Variants in CUL3 observed in about 807,000 individuals in gnomAD.
CUL3 encodes the protein cullin-3.
In CUL3, 19 loss-of-function variants were observed where a neutral mutation model predicts 89.1. That is an observed-to-expected ratio of 0.21 (90% CI 0.15 to 0.31). The LOEUF is 0.31. Ranked by LOEUF, CUL3 falls within the 10% of genes least tolerant of loss-of-function variation. The pLI is 1.00. For synonymous variants in CUL3, 351 were observed against 308.4 expected (o/e 1.14, Z -1.45); for missense variants, 469 against 942.3 (o/e 0.50, Z 6.58).
At chr2:224,518,759 T>C (rs1489781814) in intron 3 of CUL3, among the ~76,000 whole-genome samples, 1 of 152,120 alleles carries the variant, frequency 6.6e-6, no homozygotes, top group Non-Finnish European at 1.5e-5. Context: ...CACCAAAAAA[T>C]AATATACATG....
At chr2:224,524,309 T>C (rs1052668301) in intron 3 of CUL3, among the ~76,000 whole-genome samples, 2 of 151,874 alleles carry the variant, frequency 1.3e-5, no homozygotes, top group African/African-American at 4.8e-5. Flanking sequence ...AGCTAGGACT[T>C]AAGATGTCAA....
At chr2:224,565,721 G>C (rs1012955249) in intron 1 of CUL3, among the ~76,000 whole-genome samples, 2 of 152,130 alleles carry the variant, frequency 1.3e-5, no homozygotes, top group African/African-American at 4.8e-5. Flanking sequence ...TCTCCATCAA[G>C]TCATCTTCCG....
At chr2:224,548,560 T>C (rs1400337346) in intron 2 of CUL3, among the ~76,000 whole-genome samples, 1 of 152,172 alleles carries the variant, frequency 6.6e-6, no homozygotes, top group Non-Finnish European at 1.5e-5. Context: ...ATTTATGAGG[T>C]TACCATGTTA....
At chr2:224,571,738 T>C (rs998306412) in intron 1 of CUL3, among the ~76,000 whole-genome samples, 1 of 152,170 alleles carries the variant, frequency 6.6e-6, no homozygotes, top group Admixed American at 6.5e-5. Context: ...ATACCATTCA[T>C]AAAGAAAAAT....
At chr2:224,517,799 A>AC (rs1553524990) in intron 3 of CUL3, among the ~76,000 whole-genome samples, 1 of 151,694 alleles carries the variant, frequency 6.6e-6, no homozygotes, top group Non-Finnish European at 1.5e-5. Context: ...ATCCTTCTAG[A>AC]TTTTTTTTTA....
At chr2:224,516,641 CTGTTTTT>C (rs1358956992) in intron 3 of CUL3, among the ~76,000 whole-genome samples, 137 of 149,926 alleles carry the variant, frequency 9.1e-4, no homozygotes, top group African/African-American at 2.9e-3. Context: ...ATGGCTAACA[CTGTTTTT>C]TGTTTTTTGT....
chr2:224,500,245 A>G, intron 11 of CUL3, 118 bp downstream of exon 11: 1 of 1,214,240 alleles, frequency 8.2e-7, no homozygotes. Flanking sequence ...GCTCCTTTTG[A>G]TCACGAGGTA....
chr2:224,581,919 A>G (rs1695449631), intron 1 of CUL3, among the ~76,000 whole-genome samples: 1 of 152,100 alleles, frequency 6.6e-6, no homozygotes, highest in African/African-American at 2.4e-5. Context: ...AAATATGTAC[A>G]TATGTGGAAC....
At chr2:224,491,501 T>C (rs1691974764) in intron 13 of CUL3, among the ~76,000 whole-genome samples, 1 of 152,216 alleles carries the variant, frequency 6.6e-6, no homozygotes, top group Admixed American at 6.5e-5. Context: ...GACAATCATA[T>C]TATCTACAGA....
chr2:224,557,881 G>GAGAAAAAA, intron 1 of CUL3, 25 bp from the exon 2 acceptor site: 2 of 53,730 alleles, frequency 3.7e-5, no homozygotes, highest in Admixed American at 4.6e-4. Context: ...AGAGAGAAGA[G>GAGAAAAAA]ACAAAAAAAA....
At position 224,506,787 on chromosome 2, in the gene CUL3, A is replaced by G. The variant is rs534468406; in HGVS notation, c.1029+71T>C. ...GAAAGTACACAATACACAGCATGGT[A>G]AAAGTGGCCTTTTTAGCACTTGTCA... On this transcript the variant is annotated intron_variant, in intron 7 of 15. Transcript: ENST00000264414. 1.0e-5 allele frequency: 14 copies of G among 1,362,514 alleles called. No individual in the cohort carries two copies. In the East Asian group the frequency reaches 1.2e-4, roughly 11 times the overall value. The allele number at this position is 1,362,514 out of a possible 1,614,324, so 84.4% of individuals were successfully genotyped here. A position where few individuals can be genotyped will look rare whatever the true frequency, so the allele number is the denominator to read the frequency against.
chr2:224,555,989 C>T (rs930325238), intron 2 of CUL3, among the ~76,000 whole-genome samples: 1 of 152,178 alleles, frequency 6.6e-6, no homozygotes. Flanking sequence ...TACATTATGA[C>T]TGAAAGCTGT....
At chr2:224,474,667 CT>C (rs1323271015) in intron 15 of CUL3, among the ~76,000 whole-genome samples, 2 of 152,176 alleles carry the variant, frequency 1.3e-5, no homozygotes, top group African/African-American at 4.8e-5. Context: ...CGTTTTGATG[CT>C]GTTATCTACT....
At chr2:224,507,888 T>C (rs1692661620) in intron 6 of CUL3, among the ~76,000 whole-genome samples, 1 of 152,142 alleles carries the variant, frequency 6.6e-6, no homozygotes, top group Non-Finnish European at 1.5e-5. Flanking sequence ...TAAAATGGCA[T>C]TAAGAGTTTC....
In CUL3 at chr2:224,497,746, T is replaced by C; in HGVS notation, c.1707+7A>G. The C allele has an allele frequency of 1.2e-6, 2 of 1,600,110 alleles. No homozygotes were observed. Among genetic ancestry groups the C allele is most frequent in the South Asian group, 1.1e-5 (1 of 90,742 alleles). On this transcript the variant is annotated splice_region_variant and intron_variant, in intron 12 of 15. Transcript: ENST00000264414. ...TTACTTAATACGTTCAAACTATCAA[T>C]ATTTACCTTTTTAACTGGTCCATAA...
intron 1 of CUL3, among the ~76,000 whole-genome samples, chr2:224,583,631 AC>A (rs1293216338): frequency 1.3e-5 from 2 of 152,202 alleles, no homozygotes; most frequent in African/African-American, 4.8e-5. Flanking sequence ...ATTCCATCGT[AC>A]CTATTTACAC....
At chr2:224,565,121 C>G (rs951312927) in intron 1 of CUL3, among the ~76,000 whole-genome samples, 1 of 152,136 alleles carries the variant, frequency 6.6e-6, no homozygotes, top group Non-Finnish European at 1.5e-5. Flanking sequence ...TTTAAGTCCC[C>G]CAACTACTAA....
At chr2:224,513,990 C>A (rs1574646382) in intron 4 of CUL3, among the ~76,000 whole-genome samples, 1 of 152,122 alleles carries the variant, frequency 6.6e-6, no homozygotes, top group African/African-American at 2.4e-5. Flanking sequence ...TACTCCTGGG[C>A]AATATAACTT....
intron 1 of CUL3, among the ~76,000 whole-genome samples, chr2:224,583,998 A>G (rs1048821366): frequency 6.6e-6 from 1 of 152,194 alleles, no homozygotes; most frequent in Non-Finnish European, 1.5e-5. Flanking sequence ...CTTTTATTGT[A>G]GCGACATAGG....
Sources: allele counts gnomAD v4.1 joint callset (sites outside exome capture counted in the v4.1 genomes callset), GRCh38; gene constraint gnomAD v4.1.1; transcripts MANE v1.5; gene names NCBI Gene and HGNC (gene_info 2026-07-23, HGNC 2026-07-21).